LGALS14: variants seen among roughly 807,000 people sequenced by gnomAD.
LGALS14 encodes the protein galectin 14.
LGALS14 carries 14 observed loss-of-function variants against 14.6 expected under a neutral mutation model. That is an observed-to-expected ratio of 0.96 (90% CI 0.64 to 1.50). LGALS14 has a LOEUF of 1.50. Among genes scored for constraint, LGALS14 ranks in the 40% most tolerant of loss-of-function variants. The probability of loss-of-function intolerance (pLI) is 0.00; values close to 1 mark genes in which losing one functional copy is unlikely to be tolerated. For missense variants in LGALS14, 180 were observed against 172.0 expected, an observed-to-expected ratio of 1.05 and a Z score of -0.26; for synonymous variants, 57 against 63.9, an observed-to-expected ratio of 0.89 and a Z score of 0.51.
At chr19:39,705,739 G>A (rs562384562) in intron 1 of LGALS14, 127 of 649,668 alleles carry the variant, frequency 2.0e-4, no homozygotes, top group East Asian at 3.0e-5. Flanking sequence ...CTACACAAGA[G>A]GGGGCAGATG....
Position 39,709,398 on chromosome 19 carries a change from C to G in LGALS14, c.*85C>G, listed in dbSNP as rs955196106. On this transcript the variant is annotated 3_prime_UTR_variant, in exon 4 of 4. Coordinates refer to ENST00000392052, the MANE Select transcript of LGALS14 (RefSeq NM_020129.3). ...CCCAGAGCCTACTAACAGAATAATC[C>G]CTCCTCACCCCTTCCCCTACACTTG... 1.3e-6 allele frequency: 1 copy of G among 753,394 alleles called. No individual in the cohort carries two copies. The highest frequency in any genetic ancestry group is 1.7e-5 in the African/African-American group (1 of 58,020). The allele number at this position is 753,394 out of a possible 1,614,324, so 46.7% of individuals were successfully genotyped here.
chr19:39,706,010 G>T lies in LGALS14; in HGVS notation c.16-587G>T, dbSNP rs1402912837. 7 of 1,613,786 alleles carry T rather than the reference G, an allele frequency of 4.3e-6. No homozygotes were observed. The East Asian group carries it at 1.6e-4, about 36-fold the overall frequency. ...ACGTCCATTGCCCTTGATGATTGTG[G>T]TGCGTGTACATCCCACACACAGGGG... On this transcript the variant is annotated intron_variant, in intron 1 of 3. Transcript: ENST00000392052.
intron 1 of LGALS14, among the ~76,000 whole-genome samples, chr19:39,705,140 G>A (rs1467154173): frequency 6.6e-6 from 1 of 152,176 alleles, no homozygotes; most frequent in Admixed American, 6.5e-5. Context: ...ATCCCAAGTG[G>A]CTTAACTGGT....
In LGALS14 at chr19:39,706,083, T is replaced by G. The variant is rs1973711499; in HGVS notation, c.16-514T>G. 2.5e-6 allele frequency: 4 copies of G among 1,586,790 alleles called. No homozygotes were observed. In the African/African-American group the frequency reaches 5.4e-5, roughly 21 times the overall value. On this transcript the variant is annotated intron_variant, in intron 1 of 3. Transcript: ENST00000392052. ...CCTTTCTCTTTCAACAAGTGTTGTT[T>G]CTCACTGGAGTGAATTTTTAAATTC...
chr19:39,706,680 A>T lies in LGALS14; in HGVS notation c.92+7A>T. ...CACCGATCCTCACTTTTGTGTGAGT[A>T]CTCCATGGTCCAATGGAGGGGGTGG... On this transcript the variant is annotated splice_region_variant and intron_variant, in intron 2 of 3. Coordinates refer to ENST00000392052, the MANE Select transcript of LGALS14 (RefSeq NM_020129.3). 1 of 1,606,246 alleles carries T rather than the reference A, an allele frequency of 6.2e-7. No homozygotes were observed. Among genetic ancestry groups the T allele is most frequent in the Non-Finnish European group, 8.5e-7 (1 of 1,172,990 alleles).
intron 3 of LGALS14, 90 bp from the exon 4 acceptor site, chr19:39,709,107 G>T (rs1600836599): frequency 2.4e-6 from 2 of 817,752 alleles, no homozygotes; most frequent in Non-Finnish European, 2.2e-6. Context: ...TTTTCATGGG[G>T]AAGGTTATTT....
intron 1 of LGALS14, 88 bp from the exon 2 acceptor site, chr19:39,706,509 C>T (rs1282266995): frequency 4.9e-5 from 47 of 955,878 alleles, no homozygotes; most frequent in Non-Finnish European, 7.2e-5. Context: ...GACCTTTGAT[C>T]TCTAACCTCC....
rs1600835596 is a variant in LGALS14 at position 39,707,261 on chromosome 19, G to A, written c.176G>A (p.Gly59Asp). ...DIAFQFRLHF[G>D]HPAIMNSCVF... The stretch of plus-strand genomic sequence containing the variant: ...GCTTTCCAATTCCGACTGCACTTTG[G>A]TCATCCTGCAATCATGAACAGTTGT... The change falls in exon 3 of 4, where the codon GGT becomes GAT. Residue 59 changes from glycine to aspartate, a missense_variant. Physicochemically the swap from Gly to Asp is moderately conservative, Grantham distance 94 (BLOSUM62 -1). Coordinates refer to ENST00000392052, the MANE Select transcript of LGALS14 (RefSeq NM_020129.3). 1 of 1,614,080 alleles carries A rather than the reference G, an allele frequency of 6.2e-7. No homozygotes were observed. The highest frequency in any genetic ancestry group is 1.1e-5 in the South Asian group (1 of 91,084).
Position 39,706,044 on chromosome 19 carries a change from T to C in LGALS14, c.16-553T>C, listed in dbSNP as rs141242714. On this transcript the variant is annotated intron_variant, in intron 1 of 3. Transcript: ENST00000392052. ...CATCCCACACACAGGGGTTTCCTGT[T>C]CTTTCGTCATTTCCCTTTCTCTTTC... is the stretch of plus-strand genomic sequence containing the variant. 21 of 1,609,800 alleles carry C rather than the reference T, an allele frequency of 1.3e-5. No individual in the cohort carries two copies. In the African/African-American group the frequency reaches 2.5e-4, roughly 19 times the overall value.
intron 2 of LGALS14, 87 bp from the exon 3 acceptor site, chr19:39,707,090 TA>T: frequency 9.4e-7 from 1 of 1,067,918 alleles, no homozygotes. Context: ...TTGCCCTGGG[TA>T]AAGGGGGGAA....
intron 1 of LGALS14, 81 bp from the exon 2 acceptor site, chr19:39,706,516 C>T (rs921777193): frequency 2.5e-5 from 26 of 1,031,096 alleles, no homozygotes; most frequent in Non-Finnish European, 3.8e-5. Context: ...GATCTCTAAC[C>T]TCCTGCACCA....
chr19:39,704,532 T>C lies in LGALS14; in HGVS notation c.4T>C (p.Ser2Pro). M[S>P]SLPVPYTLPV... Reference sequence around the variant, plus strand: ...AGCTGCCCAGAAGGAGAGAACAATGTCATCACTACCCGTGAGTTGAAAAGT... The same window carrying C: ...AGCTGCCCAGAAGGAGAGAACAATGCCATCACTACCCGTGAGTTGAAAAGT... Residue 2 changes from serine to proline, a missense_variant, in exon 1 of 4, where the codon TCA (serine) becomes CCA (proline). Physicochemically the swap from Ser to Pro is moderately conservative, Grantham distance 74. Transcript: ENST00000392052. 2 of 1,613,712 alleles carry C rather than the reference T, an allele frequency of 1.2e-6. No individual in the cohort carries two copies. Among genetic ancestry groups the C allele is most frequent in the East Asian group, 2.2e-5 (1 of 44,788 alleles).
At chr19:39,705,950 T>C (rs1973708365) in intron 1 of LGALS14, 1 of 1,613,822 alleles carries the variant, frequency 6.2e-7, no homozygotes, top group Non-Finnish European at 8.5e-7. Context: ...GTACTGGGGC[T>C]GTGCTGTCAG....
chr19:39,705,162 G>A (rs1266975039), intron 1 of LGALS14, among the ~76,000 whole-genome samples: 2 of 152,126 alleles, frequency 1.3e-5, no homozygotes, highest in African/African-American at 4.8e-5. Flanking sequence ...GGGATCTTGG[G>A]GATTGTGAGT....
chr19:39,706,795 A>G, intron 2 of LGALS14, 122 bp downstream of exon 2: 1 of 846,238 alleles, frequency 1.2e-6, no homozygotes, highest in Non-Finnish European at 2.0e-6. Context: ...GCCTCATGCA[A>G]GTGCAGGCCC....
At chr19:39,707,101 AG>A in intron 2 of LGALS14, 76 bp from the exon 3 acceptor site, 1 of 1,137,364 alleles carries the variant, frequency 8.8e-7, no homozygotes, top group East Asian at 2.4e-5. Context: ...AAAGGGGGGA[AG>A]GGATTTGTGT....
Position 39,707,313 on chromosome 19 carries a change from G to GA in LGALS14, c.231dup (p.Cys78MetfsTer7), listed in dbSNP as rs1973730061. ...TGTTTGGCATATGGAGATATGAGGA[G>GA]AAATGCTACTATTTACCCTTTGAAG... is the stretch of plus-strand genomic sequence containing the variant. On this transcript the variant is annotated frameshift_variant, in exon 3 of 4. Coordinates refer to ENST00000392052, the MANE Select transcript of LGALS14 (RefSeq NM_020129.3). LOFTEE classifies it high-confidence loss of function. The GA allele has an allele frequency of 6.2e-7, 1 of 1,614,132 alleles. No homozygotes were observed. Among genetic ancestry groups the GA allele is most frequent in the Non-Finnish European group, 8.5e-7 (1 of 1,179,950 alleles).
chr19:39,706,043 T>C (rs748883307), intron 1 of LGALS14: 4 of 1,609,662 alleles, frequency 2.5e-6, no homozygotes, highest in Admixed American at 1.7e-5. Context: ...GGGTTTCCTG[T>C]TCTTTCGTCA....
intron 3 of LGALS14, 22 bp from the exon 4 acceptor site, chr19:39,709,175 T>C (rs370512488): frequency 9.0e-6 from 13 of 1,443,724 alleles, no homozygotes; most frequent in Non-Finnish European, 1.3e-5. Context: ...GCTGTCTTTC[T>C]GATGCATTTT....
Sources: gnomAD v4.1 joint callset for allele counts (sites outside exome capture counted in the v4.1 genomes callset) on GRCh38, gnomAD v4.1.1 for gene constraint, MANE v1.5 for transcripts, NCBI Gene and HGNC (gene_info 2026-07-23, HGNC 2026-07-21) for gene names.